Variants in SPMIP2 observed in about 807,000 individuals in gnomAD.
SPMIP2 encodes protein SPMIP2.
the SPMIP2 span, among the ~76,000 whole-genome samples, chr4:158,967,610 C>A: frequency 1.3e-5 from 2 of 152,154 alleles, no homozygotes; most frequent in Non-Finnish European, 2.9e-5. Flanking sequence ...CTAAAATTGT[C>A]TATACTGATA....
the SPMIP2 span, among the ~76,000 whole-genome samples, chr4:159,058,929 C>T: frequency 2.3e-5 from 2 of 85,464 alleles, no homozygotes; most frequent in Non-Finnish European, 2.7e-5. Flanking sequence ...GTAATTCCTA[C>T]TTTAATTTTA....
At chr4:158,970,059 A>T in the SPMIP2 span, among the ~76,000 whole-genome samples, 1 of 152,334 alleles carries the variant, frequency 6.6e-6, no homozygotes, top group Non-Finnish European at 1.5e-5. Flanking sequence ...TTCCCTTGTG[A>T]GGGCGGCCCT....
the SPMIP2 span, chr4:158,909,522 T>C: frequency 6.6e-6 from 1 of 151,936 alleles, no homozygotes; most frequent in East Asian, 1.9e-4. Flanking sequence ...GTCAGACGCT[T>C]TCTGTATGTT....
chr4:159,076,309 G>T, the SPMIP2 span, among the ~76,000 whole-genome samples: 1 of 152,136 alleles, frequency 6.6e-6, no homozygotes, highest in Non-Finnish European at 1.5e-5. Flanking sequence ...AATTCTGGGT[G>T]ATAAGTTTAC....
At chr4:158,998,963 C>T in the SPMIP2 span, among the ~76,000 whole-genome samples, 1 of 152,004 alleles carries the variant, frequency 6.6e-6, no homozygotes, top group Admixed American at 6.6e-5. Flanking sequence ...AGTTCAAGAC[C>T]AGCCTGAGAA....
the SPMIP2 span, among the ~76,000 whole-genome samples, chr4:158,990,359 C>T: frequency 1.3e-5 from 2 of 152,188 alleles, no homozygotes; most frequent in East Asian, 3.8e-4. Context: ...TCATTTGACT[C>T]AGCAATCCCA....
the SPMIP2 span, chr4:158,893,490 A>AGTT: frequency 1.9e-6 from 1 of 521,564 alleles, no homozygotes; most frequent in South Asian, 3.1e-5. Context: ...AATAACAATT[A>AGTT]GTTTCATGAA....
the SPMIP2 span, among the ~76,000 whole-genome samples, chr4:159,082,126 C>T: frequency 4.7e-5 from 7 of 148,376 alleles, no homozygotes; most frequent in Admixed American, 1.4e-4. Flanking sequence ...GAGACCAGCC[C>T]GGCCAATATG....
At chr4:159,047,600 A>T in the SPMIP2 span, among the ~76,000 whole-genome samples, 2 of 152,320 alleles carry the variant, frequency 1.3e-5, no homozygotes, top group Non-Finnish European at 2.9e-5. Context: ...TCATAGTCAC[A>T]TTGCCACAGA....
chr4:159,028,206 T>C, the SPMIP2 span, among the ~76,000 whole-genome samples: 1 of 152,242 alleles, frequency 6.6e-6, no homozygotes, highest in Non-Finnish European at 1.5e-5. Flanking sequence ...TTATCTGTTA[T>C]AGTGCCTTTT....
the SPMIP2 span, among the ~76,000 whole-genome samples, chr4:159,046,537 T>G: frequency 1.3e-5 from 2 of 152,146 alleles, no homozygotes; most frequent in African/African-American, 4.8e-5. Flanking sequence ...TTTGGTGTTT[T>G]TTTGTTTGTT....
the SPMIP2 span, chr4:158,937,412 A>C: frequency 6.5e-6 from 1 of 154,382 alleles, no homozygotes; most frequent in South Asian, 2.0e-4. Context: ...TTATAAAAAG[A>C]AGCAAAATTT....
the SPMIP2 span, among the ~76,000 whole-genome samples, chr4:159,079,474 TG>T: frequency 2.0e-5 from 3 of 152,250 alleles, no homozygotes; most frequent in Admixed American, 2.0e-4. Flanking sequence ...AATAAATTTC[TG>T]TTTTTTATAA....
the SPMIP2 span, among the ~76,000 whole-genome samples, chr4:158,908,835 C>T: frequency 6.6e-6 from 1 of 152,026 alleles, no homozygotes; most frequent in Non-Finnish European, 1.5e-5. Flanking sequence ...TACAGGCATG[C>T]GCCACCACAA....
the SPMIP2 span, among the ~76,000 whole-genome samples, chr4:159,080,394 T>G: frequency 6.6e-6 from 1 of 152,014 alleles, no homozygotes; most frequent in Non-Finnish European, 1.5e-5. Flanking sequence ...TTAAAAAATT[T>G]TTTTTGTAGA....
At chr4:159,023,734 C>G in the SPMIP2 span, among the ~76,000 whole-genome samples, 1 of 152,178 alleles carries the variant, frequency 6.6e-6, no homozygotes, top group Non-Finnish European at 1.5e-5. Flanking sequence ...AGTAACCACC[C>G]TTGCCCCCAA....
At chr4:158,896,423 C>T in the SPMIP2 span, among the ~76,000 whole-genome samples, 6 of 152,152 alleles carry the variant, frequency 3.9e-5, no homozygotes, top group African/African-American at 1.2e-4. Flanking sequence ...TATAACTTCT[C>T]TAGGGGAAGT....
At chr4:159,011,140 A>G in the SPMIP2 span, among the ~76,000 whole-genome samples, 17 of 152,310 alleles carry the variant, frequency 1.1e-4, no homozygotes, top group South Asian at 3.5e-3. Flanking sequence ...AGTACCAGTT[A>G]AATATTGACT....
the SPMIP2 span, among the ~76,000 whole-genome samples, chr4:159,061,901 T>C: frequency 2.5e-3 from 383 of 151,558 alleles, 2 homozygotes; most frequent in Non-Finnish European, 4.2e-3. Flanking sequence ...GAATGTCTTA[T>C]CCCTGCTGGG....
Sources: gnomAD v4.1 joint callset for allele counts (sites outside exome capture counted in the v4.1 genomes callset) on GRCh38, gnomAD v4.1.1 for gene constraint, MANE v1.5 for transcripts, NCBI Gene and HGNC (gene_info 2026-07-23, HGNC 2026-07-21) for gene names.